The following SPATS2L variants were observed in gnomAD, a reference collection of about 807,000 sequenced individuals.
SPATS2L encodes SPATS2-like protein.
In SPATS2L, 30 loss-of-function variants were observed where a neutral mutation model predicts 59.6. The ratio of observed to expected loss-of-function variants is 0.50; its 90% CI spans 0.38 to 0.68. The LOEUF (loss-of-function observed/expected upper bound fraction) is 0.68, where lower values mean the gene tolerates loss of function less well. SPATS2L is among the 30% of genes least tolerant of loss of function. The pLI is 0.00. For missense variants in SPATS2L, 615 were observed against 700.0 expected (o/e 0.88, Z 1.37); for synonymous variants, 252 against 263.5 (o/e 0.96, Z 0.42).
chr2:200,440,562 G>C, intron 7 of SPATS2L, 87 bp from the exon 8 acceptor site: 1 of 1,300,088 alleles, frequency 7.7e-7, no homozygotes. Context: ...CCTTTTTCTG[G>C]TGGGCTAATT....
intron 3 of SPATS2L, among the ~76,000 whole-genome samples, chr2:200,397,512 A>G (rs1349591969): frequency 6.6e-6 from 1 of 152,112 alleles, no homozygotes; most frequent in Admixed American, 6.6e-5. Context: ...ATAAACTCAG[A>G]CCTTAAAATT....
chr2:200,436,762 T>C (rs1030457575), intron 6 of SPATS2L, among the ~76,000 whole-genome samples: 1 of 152,202 alleles, frequency 6.6e-6, no homozygotes, highest in Admixed American at 6.5e-5. Context: ...TTTACGACAC[T>C]ATACACGAAG....
At chr2:200,339,944 G>A (rs1361142536) in intron 2 of SPATS2L, among the ~76,000 whole-genome samples, 2 of 151,976 alleles carry the variant, frequency 1.3e-5, no homozygotes, top group Admixed American at 6.5e-5. Flanking sequence ...TTTGTGTCGG[G>A]GGTGCCCTGA....
chr2:200,391,996 A>AT (rs2082186924), intron 3 of SPATS2L, among the ~76,000 whole-genome samples: 1 of 152,226 alleles, frequency 6.6e-6, no homozygotes, highest in Middle Eastern at 3.2e-3. Flanking sequence ...TATCCATTGT[A>AT]TTTAATAATA....
intron 3 of SPATS2L, among the ~76,000 whole-genome samples, chr2:200,394,371 T>C (rs2082265866): frequency 3.3e-5 from 5 of 152,192 alleles, no homozygotes; most frequent in Admixed American, 3.3e-4. Flanking sequence ...CTACCCTGCC[T>C]GAATGATTCG....
intron 2 of SPATS2L, among the ~76,000 whole-genome samples, chr2:200,351,680 C>T (rs2080735920): frequency 6.6e-6 from 1 of 151,954 alleles, no homozygotes; most frequent in South Asian, 2.1e-4. Context: ...TTATTCACTC[C>T]TCCCTTCAGT....
At chr2:200,362,980 T>A (rs893533432) in intron 2 of SPATS2L, among the ~76,000 whole-genome samples, 5 of 152,098 alleles carry the variant, frequency 3.3e-5, no homozygotes, top group African/African-American at 1.2e-4. Context: ...TAGGTACAAT[T>A]TTCAGGCCAG....
chr2:200,314,384 C>G (rs2079293695), intron 1 of SPATS2L, among the ~76,000 whole-genome samples: 1 of 152,184 alleles, frequency 6.6e-6, no homozygotes. Context: ...GGGCCCTCAT[C>G]CCTTCTCTTG....
At chr2:200,386,371 A>C (rs1258066733) in intron 2 of SPATS2L, among the ~76,000 whole-genome samples, 1 of 152,254 alleles carries the variant, frequency 6.6e-6, no homozygotes, top group African/African-American at 2.4e-5. Flanking sequence ...AATTGTAATT[A>C]ATTTTACTAG....
intron 2 of SPATS2L, among the ~76,000 whole-genome samples, chr2:200,348,101 A>G (rs1299711767): frequency 9.2e-5 from 14 of 152,238 alleles, no homozygotes. Flanking sequence ...ATAACAAGTT[A>G]CAGCTAAATG....
chr2:200,309,189 TATCA>T, intron 1 of SPATS2L: 2 of 715,368 alleles, frequency 2.8e-6, no homozygotes, highest in South Asian at 3.0e-5. Context: ...AGAGTTGTGT[TATCA>T]ATCACAGTGA....
At chr2:200,386,044 C>T (rs2081983679) in intron 2 of SPATS2L, among the ~76,000 whole-genome samples, 1 of 152,150 alleles carries the variant, frequency 6.6e-6, no homozygotes. Flanking sequence ...AAATTAGAAC[C>T]TTTTAACTAG....
Position 200,480,062 on chromosome 2 carries a change from G to C in SPATS2L, c.*2031G>C. 4.1e-6 allele frequency: 1 copy of C among 243,238 alleles called. No individual in the cohort carries two copies. The highest frequency in any genetic ancestry group is 7.8e-6 in the Non-Finnish European group (1 of 127,616). The allele number at this position is 243,238 out of a possible 1,614,324, so 15.1% of individuals were successfully genotyped here. ...ACAGTTTTTTATGTAGCAAGATTTT[G>C]CTCACCACTGAAAAATGTCAGTGTA... is the stretch of plus-strand genomic sequence containing the variant. On this transcript the variant is annotated 3_prime_UTR_variant, in exon 13 of 13. Transcript: ENST00000409140.
intron 7 of SPATS2L, among the ~76,000 whole-genome samples, chr2:200,439,948 A>G (rs966454688): frequency 6.6e-6 from 1 of 152,246 alleles, no homozygotes; most frequent in African/African-American, 2.4e-5. Context: ...CTTTTCATTC[A>G]GCCTCAGTTG....
At chr2:200,449,131 C>A (rs2085267215) in intron 8 of SPATS2L, among the ~76,000 whole-genome samples, 1 of 152,208 alleles carries the variant, frequency 6.6e-6, no homozygotes, top group Non-Finnish European at 1.5e-5. Context: ...ATAGGTGTAG[C>A]TCACTCTTTG....
intron 7 of SPATS2L, 139 bp downstream of exon 7, chr2:200,439,467 C>T (rs1433794627): frequency 1.5e-6 from 1 of 677,232 alleles, no homozygotes; most frequent in Non-Finnish European, 2.6e-6. Flanking sequence ...CTGTGACCCA[C>T]ATAGATGGAA....
chr2:200,476,692 A>G (rs1250523591), intron 12 of SPATS2L, among the ~76,000 whole-genome samples: 1 of 152,260 alleles, frequency 6.6e-6, no homozygotes, highest in South Asian at 2.1e-4. Flanking sequence ...CCCAGAGGGC[A>G]TGCGTTACAA....
At chr2:200,388,631 A>T (rs879748318) in intron 2 of SPATS2L, among the ~76,000 whole-genome samples, 1 of 149,868 alleles carries the variant, frequency 6.7e-6, no homozygotes, top group Non-Finnish European at 1.5e-5. Context: ...CCACCCAGAA[A>T]AAGACTACAG....
chr2:200,444,088 C>T (rs572462971), intron 8 of SPATS2L, among the ~76,000 whole-genome samples: 2 of 152,116 alleles, frequency 1.3e-5, no homozygotes, highest in Non-Finnish European at 2.9e-5. Flanking sequence ...ATAAATTTTG[C>T]GACATGAGCA....
Sources: allele counts gnomAD v4.1 joint callset (sites outside exome capture counted in the v4.1 genomes callset), GRCh38; gene constraint gnomAD v4.1.1; transcripts MANE v1.5; gene names NCBI Gene and HGNC (gene_info 2026-07-23, HGNC 2026-07-21).